The following MACROD2 variants were observed in gnomAD, a reference collection of about 807,000 sequenced individuals.
The protein encoded by MACROD2 is ADP-ribose glycohydrolase MACROD2.
A neutral mutation model predicts 70.4 loss-of-function variants in MACROD2; 36 were observed. The ratio of observed to expected loss-of-function variants is 0.51; its 90% CI spans 0.39 to 0.68. The LOEUF is 0.68. MACROD2 is among the 30% of genes least tolerant of loss of function. The pLI, the probability that MACROD2 is intolerant of heterozygous loss-of-function variation, is 0.00. For missense variants in MACROD2, 496 were observed against 538.4 expected (o/e 0.92, Z 0.78); for synonymous variants, 172 against 178.8 (o/e 0.96, Z 0.30).
intron 8 of MACROD2, among the ~76,000 whole-genome samples, chr20:15,576,929 C>T (rs1447602984): frequency 2.6e-5 from 4 of 151,992 alleles, no homozygotes; most frequent in Non-Finnish European, 4.4e-5. Flanking sequence ...TTATGCATAA[C>T]GGCAGTTGGA....
intron 6 of MACROD2, among the ~76,000 whole-genome samples, chr20:15,261,664 G>T (rs572073341): frequency 6.6e-6 from 1 of 151,948 alleles, no homozygotes; most frequent in Admixed American, 6.6e-5. Flanking sequence ...GATAGAAAAG[G>T]CTTCTGTTTG....
At chr20:14,806,423 T>C (rs529688256) in intron 5 of MACROD2, among the ~76,000 whole-genome samples, 1 of 152,162 alleles carries the variant, frequency 6.6e-6, no homozygotes, top group East Asian at 1.9e-4. Flanking sequence ...ACTATGCTTT[T>C]CCCATAGTCT....
chr20:14,937,132 G>C (rs1277156657), intron 5 of MACROD2, among the ~76,000 whole-genome samples: 1 of 152,120 alleles, frequency 6.6e-6, no homozygotes, highest in Non-Finnish European at 1.5e-5. Flanking sequence ...GGTCAGGAGA[G>C]TGTGGAGGTT....
Position 14,326,105 on chromosome 20 carries a change from C to T in MACROD2, c.272-167374C>T. The T allele has an allele frequency of 1.2e-6, 2 of 1,613,906 alleles. No individual in the cohort carries two copies. The highest frequency in any genetic ancestry group is 1.3e-5 in the African/African-American group (1 of 75,042). ...TTATAGGGTGAATCAGGCTCCAGGG[C>T]TGTGACCAAGTACTCACTGCGTTCC... On this transcript the variant is annotated intron_variant, in intron 3 of 17. Transcript: ENST00000684519. This position sits in a 1 kb window ranked among gnomAD's most constrained non-coding sequence, Gnocchi z 5.5.
chr20:14,275,345 A>T (rs1048287193), intron 3 of MACROD2, among the ~76,000 whole-genome samples: 1 of 152,166 alleles, frequency 6.6e-6, no homozygotes, highest in African/African-American at 2.4e-5. Context: ...CAAGTATCTG[A>T]TCTTTGACAA....
At chr20:15,167,450 C>T (rs1035499752) in intron 5 of MACROD2, among the ~76,000 whole-genome samples, 7 of 152,144 alleles carry the variant, frequency 4.6e-5, no homozygotes, top group Non-Finnish European at 1.0e-4. Context: ...TATTCTTCCT[C>T]CTCCTCGCTG....
chr20:15,682,856 A>AT (rs537892890), intron 8 of MACROD2, among the ~76,000 whole-genome samples: 55 of 152,248 alleles, frequency 3.6e-4, no homozygotes, highest in Admixed American at 2.7e-3. Flanking sequence ...AAGCTCTGTC[A>AT]TTTTTTGTTG....
At chr20:14,295,876 A>T (rs2122468632) in intron 3 of MACROD2, among the ~76,000 whole-genome samples, 1 of 151,938 alleles carries the variant, frequency 6.6e-6, no homozygotes, top group East Asian at 1.9e-4. Context: ...AATATTCAAG[A>T]ATTGTAGAAA....
At chr20:15,920,258 A>G (rs959337218) in intron 10 of MACROD2, among the ~76,000 whole-genome samples, 1 of 152,188 alleles carries the variant, frequency 6.6e-6, no homozygotes, top group Non-Finnish European at 1.5e-5. Context: ...CCTTTTGCTT[A>G]GGCTGGTCCC....
chr20:15,189,289 T>A (rs1414008116), intron 5 of MACROD2, among the ~76,000 whole-genome samples: 2 of 152,028 alleles, frequency 1.3e-5, no homozygotes, highest in Non-Finnish European at 2.9e-5. Flanking sequence ...GGCATATTAT[T>A]AAAATTCTAG....
intron 5 of MACROD2, among the ~76,000 whole-genome samples, chr20:15,050,684 C>G (rs890805462): frequency 6.6e-6 from 1 of 151,266 alleles, no homozygotes; most frequent in African/African-American, 2.4e-5. Context: ...ATGAGAGATG[C>G]AGGCTGCAGA....
At chr20:15,495,588 T>C (rs2146483413) in intron 7 of MACROD2, among the ~76,000 whole-genome samples, 1 of 152,272 alleles carries the variant, frequency 6.6e-6, no homozygotes, top group East Asian at 1.9e-4. Context: ...CTGTTGTCAA[T>C]ATGTACAAAG....
intron 3 of MACROD2, among the ~76,000 whole-genome samples, chr20:14,389,448 G>C (rs1053483125): frequency 7.3e-6 from 1 of 136,634 alleles, no homozygotes; most frequent in African/African-American, 2.7e-5. Context: ...AAAAGACATA[G>C]GGTCTCCGTC....
At chr20:14,826,481 T>C (rs2095482999) in intron 5 of MACROD2, among the ~76,000 whole-genome samples, 1 of 152,166 alleles carries the variant, frequency 6.6e-6, no homozygotes, top group African/African-American at 2.4e-5. Context: ...ATTCTTTTTA[T>C]TTTCTTTTCC....
intron 3 of MACROD2, among the ~76,000 whole-genome samples, chr20:14,136,593 G>T (rs1479891192): frequency 2.0e-5 from 3 of 152,088 alleles, no homozygotes; most frequent in Non-Finnish European, 1.5e-5. Flanking sequence ...GTTAGAAATG[G>T]AATTCAGACC....
At chr20:14,606,639 T>C (rs748081344) in intron 4 of MACROD2, among the ~76,000 whole-genome samples, 1 of 152,192 alleles carries the variant, frequency 6.6e-6, no homozygotes, top group African/African-American at 2.4e-5. Flanking sequence ...ATGGGCCTAC[T>C]GTTTTCAATA....
chr20:16,037,036 T>G (rs963984682), intron 15 of MACROD2, among the ~76,000 whole-genome samples: 3 of 151,992 alleles, frequency 2.0e-5, no homozygotes, highest in Non-Finnish European at 4.4e-5. Context: ...TTGATTTCTG[T>G]TTTTTTCTCT....
At chr20:14,050,301 A>G (rs1378925022) in intron 2 of MACROD2, among the ~76,000 whole-genome samples, 3 of 152,150 alleles carry the variant, frequency 2.0e-5, no homozygotes, top group African/African-American at 7.2e-5. Context: ...GAAGAAGGAA[A>G]GGAAAGATGG....
At chr20:15,423,844 T>C (rs2046261908) in intron 6 of MACROD2, among the ~76,000 whole-genome samples, 1 of 151,836 alleles carries the variant, frequency 6.6e-6, no homozygotes, top group African/African-American at 2.4e-5. Flanking sequence ...TCGGGATGCA[T>C]AACAAATTAC....
Sources: gnomAD v4.1 joint callset for allele counts (sites outside exome capture counted in the v4.1 genomes callset) on GRCh38, gnomAD v4.1.1 for gene constraint, Gnocchi (gnomAD v3.1) non-coding constraint, MANE v1.5 for transcripts, NCBI Gene and HGNC (gene_info 2026-07-23, HGNC 2026-07-21) for gene names.